CNTNAP2: variants seen among roughly 807,000 people sequenced by gnomAD.
The protein encoded by CNTNAP2 is contactin-associated protein-like 2.
In CNTNAP2, 98 loss-of-function variants were observed where a neutral mutation model predicts 155.2. The ratio of observed to expected loss-of-function variants is 0.63; its 90% CI spans 0.54 to 0.75. CNTNAP2 has a LOEUF of 0.75. Among genes scored for constraint, CNTNAP2 ranks in the 30% least tolerant of loss-of-function variants. The probability of loss-of-function intolerance (pLI) is 0.00; values close to 1 mark genes in which losing one functional copy is unlikely to be tolerated. For synonymous variants in CNTNAP2, 651 were observed against 631.2 expected (o/e 1.03, Z -0.47); for missense variants, 1,727 against 1,688.1 (o/e 1.02, Z -0.40).
chr7:146,723,715 C>T (rs1282779162), intron 1 of CNTNAP2, among the ~76,000 whole-genome samples: 2 of 152,092 alleles, frequency 1.3e-5, no homozygotes, highest in African/African-American at 2.4e-5. Context: ...TACTATTTCC[C>T]AGGAACTGTA....
chr7:148,337,597 G>A (rs1328799232), intron 21 of CNTNAP2, among the ~76,000 whole-genome samples: 1 of 152,182 alleles, frequency 6.6e-6, no homozygotes, highest in Non-Finnish European at 1.5e-5. Flanking sequence ...TCTCATCTGC[G>A]TCTTGCCAGT....
chr7:148,352,807 AG>A (rs1196541823), intron 21 of CNTNAP2, among the ~76,000 whole-genome samples: 4 of 152,292 alleles, frequency 2.6e-5, no homozygotes, highest in African/African-American at 9.6e-5. Flanking sequence ...ATGCACCGTG[AG>A]GGGGTATCCT....
intron 11 of CNTNAP2, among the ~76,000 whole-genome samples, chr7:147,559,326 A>G (rs1398751766): frequency 1.3e-5 from 2 of 152,236 alleles, no homozygotes; most frequent in Admixed American, 6.5e-5. Context: ...CACATTGGCA[A>G]GCAGCTGAAG....
chr7:147,857,372 A>G (rs972286400), intron 13 of CNTNAP2, among the ~76,000 whole-genome samples: 2 of 152,192 alleles, frequency 1.3e-5, no homozygotes, highest in African/African-American at 4.8e-5. Context: ...AGGCTATTTG[A>G]GCATCTAAAT....
intron 14 of CNTNAP2, among the ~76,000 whole-genome samples, chr7:147,924,754 C>A (rs758036681): frequency 3.3e-5 from 5 of 152,046 alleles, no homozygotes; most frequent in Non-Finnish European, 7.4e-5. Flanking sequence ...TGTCCTTGTG[C>A]AGAGTATGAG....
chr7:146,429,566 A>C (rs538591834), intron 1 of CNTNAP2, among the ~76,000 whole-genome samples: 1 of 152,158 alleles, frequency 6.6e-6, no homozygotes, highest in Non-Finnish European at 1.5e-5. Context: ...AAACGTTTTC[A>C]CATTGATTTT....
rs535599123 is a variant in CNTNAP2 at position 146,532,721 on chromosome 7, C to T, written c.98-241550C>T. Among the ~76,000 whole-genome samples the T allele has an allele frequency of 5.3e-5, 8 of 152,136 alleles. 1 individual carries two copies. The East Asian group carries it at 5.8e-4, about 11-fold the overall frequency. On this transcript the variant is annotated intron_variant, in intron 1 of 23. Coordinates refer to ENST00000361727, the MANE Select transcript of CNTNAP2 (RefSeq NM_014141.6). ...TGTACCCCCACTTAACATTTTGTTACTCAGACTCTAGAAATATTATCAGAC... is the reference window on the plus strand; with the variant it reads ...TGTACCCCCACTTAACATTTTGTTATTCAGACTCTAGAAATATTATCAGAC...
chr7:147,001,177 T>A (rs899873723), intron 3 of CNTNAP2, among the ~76,000 whole-genome samples: 11 of 152,064 alleles, frequency 7.2e-5, no homozygotes, highest in African/African-American at 2.7e-4. Flanking sequence ...CTTTTCTAAT[T>A]ATTGTGCTAT....
At chr7:148,246,849 G>A (rs943976491) in intron 20 of CNTNAP2, among the ~76,000 whole-genome samples, 2 of 152,194 alleles carry the variant, frequency 1.3e-5, no homozygotes, top group Non-Finnish European at 2.9e-5. Context: ...CTACAGTGAA[G>A]GGAAGTTCTA....
intron 3 of CNTNAP2, among the ~76,000 whole-genome samples, chr7:147,002,204 A>G (rs1798437594): frequency 1.3e-5 from 2 of 152,078 alleles, no homozygotes; most frequent in South Asian, 4.1e-4. Flanking sequence ...TTAAAAATAA[A>G]AAGAGAATGT....
intron 3 of CNTNAP2, among the ~76,000 whole-genome samples, chr7:146,968,123 CAT>C (rs1266971275): frequency 7.9e-5 from 12 of 150,966 alleles, no homozygotes; most frequent in Non-Finnish European, 1.0e-4. Flanking sequence ...TATTGATTTG[CAT>C]ATATTGAACC....
chr7:148,385,815 G>A (rs142169773), intron 22 of CNTNAP2, among the ~76,000 whole-genome samples: 13 of 132,868 alleles, frequency 9.8e-5, no homozygotes, highest in African/African-American at 3.5e-4. Flanking sequence ...TGGCACCATT[G>A]CAACCTCTGC....
chr7:147,527,696 C>T (rs1044502616), intron 11 of CNTNAP2, among the ~76,000 whole-genome samples: 2 of 152,164 alleles, frequency 1.3e-5, no homozygotes, highest in Admixed American at 6.5e-5. Flanking sequence ...GGCAGGCACA[C>T]TAGGGAGGGG....
chr7:146,331,345 A>T (rs916015006), intron 1 of CNTNAP2, among the ~76,000 whole-genome samples: 1 of 151,712 alleles, frequency 6.6e-6, no homozygotes. Flanking sequence ...CATATAAATT[A>T]TTCGGCCCTT....
chr7:146,942,570 A>G (rs971387785), intron 3 of CNTNAP2, among the ~76,000 whole-genome samples: 1 of 152,150 alleles, frequency 6.6e-6, no homozygotes, highest in Non-Finnish European at 1.5e-5. Context: ...ATAAATTAAA[A>G]TAAAAAGGCC....
chr7:146,170,631 T>C (rs2116818115), intron 1 of CNTNAP2, among the ~76,000 whole-genome samples: 1 of 152,226 alleles, frequency 6.6e-6, no homozygotes, highest in South Asian at 2.1e-4. Flanking sequence ...TTTTAAAAAA[T>C]TGAAGAAGAA....
At chr7:146,516,308 T>G (rs986718760) in intron 1 of CNTNAP2, among the ~76,000 whole-genome samples, 16 of 152,064 alleles carry the variant, frequency 1.1e-4, no homozygotes, top group African/African-American at 3.9e-4. Context: ...TTTATCTATG[T>G]TTTTCTGATT....
At chr7:146,871,874 A>G (rs983178393) in intron 3 of CNTNAP2, among the ~76,000 whole-genome samples, 1 of 152,024 alleles carries the variant, frequency 6.6e-6, no homozygotes, top group East Asian at 1.9e-4. Flanking sequence ...AATTCAAAAA[A>G]CACAGAACTA....
chr7:147,270,701 C>A (rs903836269), intron 8 of CNTNAP2, among the ~76,000 whole-genome samples: 1 of 152,176 alleles, frequency 6.6e-6, no homozygotes, highest in African/African-American at 2.4e-5. Context: ...ACAGGCTGTT[C>A]CTGTAAATGC....
Sources: allele counts gnomAD v4.1 joint callset (sites outside exome capture counted in the v4.1 genomes callset), GRCh38; gene constraint gnomAD v4.1.1; transcripts MANE v1.5; gene names NCBI Gene and HGNC (gene_info 2026-07-23, HGNC 2026-07-21).